Variants in EYS observed in about 807,000 individuals in gnomAD.
EYS encodes the protein protein eyes shut homolog.
In EYS, 250 loss-of-function variants were observed where a neutral mutation model predicts 282.1. That is an observed-to-expected ratio of 0.89 (90% confidence interval 0.80 to 0.98). The LOEUF (loss-of-function observed/expected upper bound fraction) is 0.98, where lower values mean the gene tolerates loss of function less well. Among genes scored for constraint, EYS ranks in the 50% least tolerant of loss-of-function variants. The pLI is 0.00. For synonymous variants in EYS, 1,355 were observed against 1,282.9 expected, an observed-to-expected ratio of 1.06 and a Z score of -1.20; for missense variants, 4,016 against 3,709.0, an observed-to-expected ratio of 1.08 and a Z score of -2.15.
At chr6:65,575,702 A>T (rs569763748) in intron 2 of EYS, among the ~76,000 whole-genome samples, 2 of 151,996 alleles carry the variant, frequency 1.3e-5, no homozygotes, top group Non-Finnish European at 1.5e-5. Context: ...TTTTAGCTAG[A>T]CCAACAGGGA....
intron 33 of EYS, among the ~76,000 whole-genome samples, chr6:64,049,655 T>C (rs950659483): frequency 6.6e-6 from 1 of 152,140 alleles, no homozygotes; most frequent in Non-Finnish European, 1.5e-5. Flanking sequence ...TGTATGTAGC[T>C]TGTATTAGCC....
At chr6:64,624,562 CG>C (rs1215282910) in intron 23 of EYS, among the ~76,000 whole-genome samples, 3 of 151,974 alleles carry the variant, frequency 2.0e-5, no homozygotes, top group Admixed American at 6.6e-5. Flanking sequence ...ATTTTATGTA[CG>C]GCTGGCTATT....
intron 5 of EYS, among the ~76,000 whole-genome samples, chr6:65,461,382 T>C (rs1338462399): frequency 4.6e-5 from 7 of 152,148 alleles, no homozygotes; most frequent in Non-Finnish European, 1.0e-4. Flanking sequence ...AGGCTATAGA[T>C]GACACCAAGC....
chr6:64,942,850 T>A (rs201229804), intron 15 of EYS, among the ~76,000 whole-genome samples: 5,051 of 108,804 alleles, frequency 0.046, 123 homozygotes, highest in East Asian at 0.17. Flanking sequence ...AAAACAAAAA[T>A]GAAGTCGAAG....
intron 33 of EYS, among the ~76,000 whole-genome samples, chr6:64,040,124 G>A (rs1314079077): frequency 6.6e-6 from 1 of 152,170 alleles, no homozygotes; most frequent in Non-Finnish European, 1.5e-5. Context: ...CAGTTCTTTT[G>A]TAGAGGTATC....
intron 12 of EYS, among the ~76,000 whole-genome samples, chr6:65,141,692 A>C (rs1441619687): frequency 6.7e-6 from 1 of 148,692 alleles, no homozygotes; most frequent in African/African-American, 2.5e-5. Context: ...TCTATCTAGA[A>C]AGGAATGAAT....
At chr6:64,208,278 T>C (rs1237189665) in intron 31 of EYS, among the ~76,000 whole-genome samples, 1 of 152,096 alleles carries the variant, frequency 6.6e-6, no homozygotes, top group Non-Finnish European at 1.5e-5. Flanking sequence ...ATATTGGTTG[T>C]AATATTATGC....
At chr6:63,896,812 T>C (rs1773547191) in intron 35 of EYS, among the ~76,000 whole-genome samples, 1 of 152,204 alleles carries the variant, frequency 6.6e-6, no homozygotes, top group African/African-American at 2.4e-5. Flanking sequence ...ATACAGTATG[T>C]AGCTTTTTGA....
At chr6:65,299,727 TTAAC>T (rs1360481933) in intron 11 of EYS, among the ~76,000 whole-genome samples, 1 of 152,160 alleles carries the variant, frequency 6.6e-6, no homozygotes, top group Non-Finnish European at 1.5e-5. Context: ...TATAAGATGT[TTAAC>T]TATTTTTGTG....
chr6:64,448,622 A>T (rs1312028391), intron 26 of EYS, among the ~76,000 whole-genome samples: 1 of 152,192 alleles, frequency 6.6e-6, no homozygotes, highest in Non-Finnish European at 1.5e-5. Context: ...GGGCGGACTG[A>T]CATCTCACAC....
rs142205516 is a variant in EYS, at chr6:65,704,750, G to A, written c.-448+2385C>T. 2.7e-3 allele frequency among the ~76,000 whole-genome samples: 405 copies of A among 152,186 alleles called. 4 individuals are homozygous for A. Among genetic ancestry groups the A allele is most frequent in the African/African-American group, 9.3e-3 (388 of 41,536 alleles). On this transcript the variant is annotated intron_variant, in intron 1 of 42. Coordinates refer to ENST00000503581, the MANE Select transcript of EYS (RefSeq NM_001142800.2). ...TTTTGATCATTAGAAAATGCACTTGGTGAAAATAAGCATAACACTGAAAGT... is the reference window on the plus strand; with the variant it reads ...TTTTGATCATTAGAAAATGCACTTGATGAAAATAAGCATAACACTGAAAGT...
intron 1 of EYS, among the ~76,000 whole-genome samples, chr6:65,703,239 A>G (rs542897852): frequency 6.6e-6 from 1 of 152,290 alleles, no homozygotes; most frequent in African/African-American, 2.4e-5. Flanking sequence ...CTCTATATAT[A>G]TGTATTGTTA....
intron 2 of EYS, among the ~76,000 whole-genome samples, chr6:65,581,797 T>C (rs173306): frequency 0.056 from 8,517 of 152,136 alleles, 729 homozygotes; most frequent in African/African-American, 0.18. Context: ...ATAAAAAAAT[T>C]AGTAGCAAGG....
intron 14 of EYS, among the ~76,000 whole-genome samples, chr6:64,980,589 A>T (rs1770626852): frequency 6.6e-6 from 1 of 151,422 alleles, no homozygotes; most frequent in African/African-American, 2.4e-5. Context: ...ATTAATACAT[A>T]TACTTTGTGT....
intron 35 of EYS, among the ~76,000 whole-genome samples, chr6:63,946,557 G>A (rs576356406): frequency 5.3e-5 from 8 of 152,056 alleles, no homozygotes; most frequent in African/African-American, 1.9e-4. Flanking sequence ...ATTTTGTGTA[G>A]CTTGTTTGCT....
intron 12 of EYS, among the ~76,000 whole-genome samples, chr6:65,288,652 T>C (rs1768437654): frequency 6.6e-6 from 1 of 151,030 alleles, no homozygotes; most frequent in Non-Finnish European, 1.5e-5. Context: ...AAGACACTAG[T>C]TGGAATTTCA....
At chr6:63,874,947 A>G (rs985102487) in intron 35 of EYS, among the ~76,000 whole-genome samples, 2 of 152,084 alleles carry the variant, frequency 1.3e-5, no homozygotes, top group Non-Finnish European at 2.9e-5. Context: ...TCTTTTCCTA[A>G]TTGAATACTC....
At position 65,618,482 on chromosome 6, in the gene EYS, A is replaced by T. The variant is rs1446928760; in HGVS notation, c.-333+21296T>A. On this transcript the variant is annotated intron_variant, in intron 2 of 42. Coordinates refer to ENST00000503581, the MANE Select transcript of EYS (RefSeq NM_001142800.2). ...TTTGTCAGATGAGTAGGTTGCAAAA[A>T]TTTTTTCCTATTTTGTAGGTTGCTT... Among the ~76,000 whole-genome samples the T allele has an allele frequency of 3.9e-5, 6 of 152,048 alleles. No homozygotes were observed. The South Asian group carries it at 8.3e-4, about 21-fold the overall frequency.
chr6:65,517,738 C>T (rs77488025), intron 2 of EYS, among the ~76,000 whole-genome samples: 3,612 of 152,012 alleles, frequency 0.024, 165 homozygotes, highest in African/African-American at 0.084. Context: ...AAGGTAAGTA[C>T]AGGCATACAG....
Sources: gnomAD v4.1 joint callset for allele counts (sites outside exome capture counted in the v4.1 genomes callset) on GRCh38, gnomAD v4.1.1 for gene constraint, MANE v1.5 for transcripts, NCBI Gene and HGNC (gene_info 2026-07-23, HGNC 2026-07-21) for gene names.